Variants in KGD4 observed in about 807,000 individuals in gnomAD.
KGD4 encodes alpha-ketoglutarate dehydrogenase subunit 4, also known as alpha-ketoglutarate dehydrogenase component 4.
the KGD4 span, among the ~76,000 whole-genome samples, chr5:69,222,499 A>G: frequency 6.6e-6 from 1 of 152,334 alleles, no homozygotes; most frequent in Non-Finnish European, 1.5e-5. Context: ...CCAGATCACA[A>G]TGGGTGTTGT....
chr5:69,228,938 C>T, the KGD4 span, among the ~76,000 whole-genome samples: 13 of 150,430 alleles, frequency 8.6e-5, no homozygotes, highest in African/African-American at 2.9e-4. Context: ...TCTCTTGAAC[C>T]CGGGAGGCGG....
At chr5:69,224,247 G>A in the KGD4 span, among the ~76,000 whole-genome samples, 1 of 151,516 alleles carries the variant, frequency 6.6e-6, no homozygotes, top group Admixed American at 6.6e-5. Flanking sequence ...AAAAATTAGC[G>A]GGGTGTGGTG....
the KGD4 span, among the ~76,000 whole-genome samples, chr5:69,220,226 CA>C: frequency 5.0e-4 from 62 of 124,252 alleles, no homozygotes; most frequent in Admixed American, 5.8e-4. Context: ...GACCCTGACT[CA>C]AAAAAAAAAA....
the KGD4 span, among the ~76,000 whole-genome samples, chr5:69,224,031 TAAA>T: frequency 1.0e-4 from 12 of 114,986 alleles, no homozygotes; most frequent in African/African-American, 1.6e-4. Context: ...AGACTCTGTC[TAAA>T]AAAAAAAAAA....
the KGD4 span, chr5:69,228,233 C>A: frequency 6.3e-7 from 1 of 1,597,178 alleles, no homozygotes; most frequent in South Asian, 1.2e-5. Flanking sequence ...GGGCTACCAT[C>A]TCACTCTTCT....
the KGD4 span, among the ~76,000 whole-genome samples, chr5:69,225,144 G>A: frequency 6.6e-6 from 1 of 150,486 alleles, no homozygotes; most frequent in African/African-American, 2.4e-5. Flanking sequence ...TCACTCTGTT[G>A]CCCAGGCTGG....
the KGD4 span, among the ~76,000 whole-genome samples, chr5:69,219,952 A>G: frequency 6.6e-6 from 1 of 152,224 alleles, no homozygotes; most frequent in African/African-American, 2.4e-5. Context: ...AGTTTAGGCC[A>G]GGCTCACTGA....
the KGD4 span, among the ~76,000 whole-genome samples, chr5:69,222,748 C>G: frequency 1.3e-5 from 2 of 151,356 alleles, no homozygotes; most frequent in African/African-American, 4.9e-5. Flanking sequence ...AGAACATTCT[C>G]TTAAGAAGCT....
At chr5:69,218,047 G>A in the KGD4 span, 1 of 1,005,060 alleles carries the variant, frequency 9.9e-7, no homozygotes, top group Non-Finnish European at 1.5e-6. Context: ...CTGTTGGACC[G>A]GGCAGTGAGG....
At chr5:69,222,263 G>A in the KGD4 span, among the ~76,000 whole-genome samples, 14 of 152,216 alleles carry the variant, frequency 9.2e-5, no homozygotes, top group African/African-American at 3.4e-4. Flanking sequence ...TTTGGGAAAG[G>A]TTCTTAGAGA....
chr5:69,226,442 C>G, the KGD4 span: 1 of 1,310,292 alleles, frequency 7.6e-7, no homozygotes, highest in African/African-American at 1.5e-5. Flanking sequence ...AAATTGTGTA[C>G]ATGAATATTT....
At chr5:69,229,453 C>T in the KGD4 span, 1 of 389,826 alleles carries the variant, frequency 2.6e-6, no homozygotes. Flanking sequence ...TTAAAGTATA[C>T]ATTTTTAAAT....
the KGD4 span, among the ~76,000 whole-genome samples, chr5:69,221,778 T>TA: frequency 2.6e-5 from 4 of 151,892 alleles, no homozygotes; most frequent in East Asian, 1.9e-4. Context: ...TTCATTAAAA[T>TA]AAAAAATTCT....
chr5:69,227,891 A>G, the KGD4 span, among the ~76,000 whole-genome samples: 1 of 152,240 alleles, frequency 6.6e-6, no homozygotes, highest in Non-Finnish European at 1.5e-5. Flanking sequence ...GATGGCTGGC[A>G]GGATGTTTGC....
At chr5:69,222,580 C>G in the KGD4 span, among the ~76,000 whole-genome samples, 1 of 151,860 alleles carries the variant, frequency 6.6e-6, no homozygotes, top group African/African-American at 2.4e-5. Context: ...TTTTTTTCTT[C>G]TTTTAAGTTG....
At chr5:69,219,253 C>T in the KGD4 span, among the ~76,000 whole-genome samples, 4 of 152,078 alleles carry the variant, frequency 2.6e-5, no homozygotes, top group Admixed American at 6.6e-5. Flanking sequence ...ATGTATCTAC[C>T]GTATGACCCA....
the KGD4 span, among the ~76,000 whole-genome samples, chr5:69,227,945 C>A: frequency 2.0e-5 from 3 of 152,132 alleles, no homozygotes; most frequent in African/African-American, 7.2e-5. Flanking sequence ...CAAAGCAAGA[C>A]CCCATCTGTA....
the KGD4 span, chr5:69,228,144 G>A: frequency 1.5e-6 from 2 of 1,350,038 alleles, no homozygotes; most frequent in African/African-American, 1.5e-5. Flanking sequence ...TTAAGACTCA[G>A]TATTTTGACA....
the KGD4 span, among the ~76,000 whole-genome samples, chr5:69,220,571 G>T: frequency 6.6e-6 from 1 of 150,822 alleles, no homozygotes; most frequent in Non-Finnish European, 1.5e-5. Flanking sequence ...TGTGAGGAGC[G>T]CCTCTGCCCG....
Sources: gnomAD v4.1 joint callset for allele counts (sites outside exome capture counted in the v4.1 genomes callset) on GRCh38, gnomAD v4.1.1 for gene constraint, MANE v1.5 for transcripts, NCBI Gene and HGNC (gene_info 2026-07-23, HGNC 2026-07-21) for gene names.